GLCE: variants seen among roughly 807,000 people sequenced by gnomAD.
GLCE encodes D-glucuronyl C5-epimerase.
Under a neutral mutation model 47.9 loss-of-function variants are expected in GLCE, and 19 were observed. The ratio of observed to expected loss-of-function variants is 0.40; its 90% CI spans 0.28 to 0.58. GLCE has a LOEUF of 0.58. Among genes scored for constraint, GLCE ranks in the 20% least tolerant of loss-of-function variants. GLCE has a pLI of 0.48. For synonymous variants in GLCE, 245 were observed against 263.4 expected, an observed-to-expected ratio of 0.93 and a Z score of 0.68; for missense variants, 556 against 743.3, an observed-to-expected ratio of 0.75 and a Z score of 2.93.
At chr15:69,219,393 TA>T (rs1186187896) in intron 2 of GLCE, among the ~76,000 whole-genome samples, 2 of 152,182 alleles carry the variant, frequency 1.3e-5, no homozygotes, top group Non-Finnish European at 2.9e-5. Context: ...AATAATTTAA[TA>T]TTTTTTTTAA....
Position 69,268,767 on chromosome 15 carries a change from G to A in GLCE, c.1377G>A (p.Leu459=), listed in dbSNP as rs554034558. ...TTTCTACATTAGTCAGGGCCTATCT[G>A]TTAACAAAAGACCATATATTCCTCA... The part of the protein sequence containing the change: ...QAISTLVRAY[L]LTKDHIFLNS... The change falls in exon 5 of 5, where the codon CTG becomes CTA. Residue 459 remains leucine (L), a synonymous_variant. Transcript: ENST00000261858. 5.5e-5 allele frequency: 89 copies of A among 1,614,004 alleles called. No homozygotes were observed. Among genetic ancestry groups the A allele is most frequent in the Non-Finnish European group, 7.0e-5 (83 of 1,179,988 alleles).
At chr15:69,263,540 G>A (rs2053043213) in intron 4 of GLCE, among the ~76,000 whole-genome samples, 1 of 151,078 alleles carries the variant, frequency 6.6e-6, no homozygotes, top group African/African-American at 2.4e-5. Flanking sequence ...TGTTTTATTT[G>A]TCGAATAATG....
In GLCE at chr15:69,268,570, A is replaced by T. The variant is rs553202753; in HGVS notation, c.1180A>T (p.Ile394Phe). The T allele has an allele frequency of 6.2e-7, 1 of 1,614,182 alleles. No individual in the cohort carries two copies. Among genetic ancestry groups the T allele is most frequent in the South Asian group, 1.1e-5 (1 of 91,082 alleles). ...IAKGKGFLDN[I>F]TISTTAHMAA... ...AAAAGGTAAGGGATTCCTCGACAAC[A>T]TTACCATCTCTACCACAGCCCACAT... is the stretch of plus-strand genomic sequence containing the variant. The change falls in exon 5 of 5, where the codon ATT becomes TTT. Residue 394 changes from isoleucine (I) to phenylalanine (F), a missense_variant. Physicochemically the swap from Ile to Phe is conservative, Grantham distance 21. Around this residue, in one of 3 missense-constraint regions of GLCE, gnomAD observed 245 missense variants for 368.1 expected, o/e 0.67. Coordinates refer to ENST00000261858, the MANE Select transcript of GLCE (RefSeq NM_015554.3).
Position 69,270,317 on chromosome 15 carries a change from T to C in GLCE, c.*1073T>C, listed in dbSNP as rs2053147826. ...ACTAGTAAGTCTGTGCATCATTGGG[T>C]GTTTTTTTTTAATTTAATTTTAAAT... On this transcript the variant is annotated 3_prime_UTR_variant, in exon 5 of 5. Transcript: ENST00000261858. 6.6e-6 allele frequency: 1 copy of C among 152,010 alleles called. No individual in the cohort carries two copies. Among genetic ancestry groups the C allele is most frequent in the African/African-American group, 2.4e-5 (1 of 41,380 alleles). The allele number at this position is 152,010 out of a possible 1,614,324, so 9.4% of individuals were successfully genotyped here.
At chr15:69,179,423 T>G (rs1273051772) in intron 1 of GLCE, among the ~76,000 whole-genome samples, 4 of 152,140 alleles carry the variant, frequency 2.6e-5, no homozygotes, top group African/African-American at 7.2e-5. Context: ...ACCATGAAAT[T>G]GATGTTGGAC....
chr15:69,245,049 T>C (rs1250006479), intron 2 of GLCE, among the ~76,000 whole-genome samples: 1 of 152,108 alleles, frequency 6.6e-6, no homozygotes, highest in Non-Finnish European at 1.5e-5. Context: ...TATACATACC[T>C]GGCCGGGTGC....
At chr15:69,216,366 C>T (rs1281175224) in intron 2 of GLCE, among the ~76,000 whole-genome samples, 2 of 152,050 alleles carry the variant, frequency 1.3e-5, no homozygotes, top group Non-Finnish European at 2.9e-5. Context: ...TATGTTCTTA[C>T]AACTAATCAG....
chr15:69,171,849 T>C (rs1320339429), intron 1 of GLCE, among the ~76,000 whole-genome samples: 1 of 152,212 alleles, frequency 6.6e-6, no homozygotes, highest in African/African-American at 2.4e-5. Flanking sequence ...CTACTGAGGA[T>C]AGATTATAAA....
intron 1 of GLCE, among the ~76,000 whole-genome samples, chr15:69,209,945 TG>T (rs1443508752): frequency 5.3e-5 from 8 of 152,130 alleles, no homozygotes; most frequent in African/African-American, 1.9e-4. Flanking sequence ...GATGGGTGGC[TG>T]GGCTTGAGAG....
chr15:69,200,997 C>T (rs757448039), intron 1 of GLCE, among the ~76,000 whole-genome samples: 1 of 152,060 alleles, frequency 6.6e-6, no homozygotes, highest in African/African-American at 2.4e-5. Context: ...ACCCTCGTTC[C>T]CTGGCATGTG....
rs148527809 is a variant in GLCE at position 69,258,926 on chromosome 15, A to G, written c.587-2161A>G. Among the ~76,000 whole-genome samples the G allele has an allele frequency of 5.4e-3, 824 of 152,224 alleles. 11 individuals are homozygous for G. The highest frequency in any genetic ancestry group is 0.019 in the African/African-American group (795 of 41,538). On this transcript the variant is annotated intron_variant, in intron 3 of 4. Coordinates refer to ENST00000261858, the MANE Select transcript of GLCE (RefSeq NM_015554.3). ...TTTATTCTCATTGTAGTGTATTCCT[A>G]TTCTGAGAATATAATTAACTGCCAT...
chr15:69,194,767 A>G (rs1311932815), intron 1 of GLCE, among the ~76,000 whole-genome samples: 3 of 152,022 alleles, frequency 2.0e-5, no homozygotes, highest in Non-Finnish European at 4.4e-5. Flanking sequence ...TGCTTGACTC[A>G]ATTTTCTTTA....
At chr15:69,178,337 A>T (rs2051702227) in intron 1 of GLCE, among the ~76,000 whole-genome samples, 1 of 152,138 alleles carries the variant, frequency 6.6e-6, no homozygotes, top group Non-Finnish European at 1.5e-5. Context: ...GCTGAACAAA[A>T]AACTTAATAT....
At chr15:69,162,087 A>C (rs540596877) in intron 1 of GLCE, among the ~76,000 whole-genome samples, 3 of 152,330 alleles carry the variant, frequency 2.0e-5, no homozygotes, top group South Asian at 4.1e-4. Flanking sequence ...GATAACGTCA[A>C]ATTCAGCCTC....
intron 2 of GLCE, among the ~76,000 whole-genome samples, chr15:69,227,947 G>A (rs1473489188): frequency 1.3e-5 from 2 of 152,188 alleles, no homozygotes; most frequent in African/African-American, 4.8e-5. Flanking sequence ...TCTAGGAAGA[G>A]TTATTAGAGT....
At chr15:69,168,909 T>C (rs1210043776) in intron 1 of GLCE, among the ~76,000 whole-genome samples, 1 of 152,164 alleles carries the variant, frequency 6.6e-6, no homozygotes, top group African/African-American at 2.4e-5. Context: ...ATCATAAGTA[T>C]ACAGCTCAAT....
chr15:69,204,453 T>C (rs1165215353), intron 1 of GLCE, among the ~76,000 whole-genome samples: 1 of 151,932 alleles, frequency 6.6e-6, no homozygotes, highest in African/African-American at 2.4e-5. Flanking sequence ...CAGCTAATTT[T>C]TTTGTATTTT....
intron 1 of GLCE, among the ~76,000 whole-genome samples, chr15:69,191,895 A>G (rs977575208): frequency 3.9e-5 from 6 of 152,014 alleles, no homozygotes; most frequent in African/African-American, 1.2e-4. Flanking sequence ...TACTTTGTAG[A>G]TTTTAATTTA....
At chr15:69,246,889 T>G (rs888028747) in intron 2 of GLCE, among the ~76,000 whole-genome samples, 1 of 152,150 alleles carries the variant, frequency 6.6e-6, no homozygotes, top group Non-Finnish European at 1.5e-5. Flanking sequence ...GAAGGGAATC[T>G]TTTTTTCTGA....
Sources: allele counts gnomAD v4.1 joint callset (sites outside exome capture counted in the v4.1 genomes callset), GRCh38; gene constraint gnomAD v4.1.1; regional missense constraint gnomAD v4.1.1; transcripts MANE v1.5; gene names NCBI Gene and HGNC (gene_info 2026-07-23, HGNC 2026-07-21).